The following LRP2 variants were observed in gnomAD, a reference collection of about 807,000 sequenced individuals.
LRP2 encodes low-density lipoprotein receptor-related protein 2.
A neutral mutation model predicts 531.0 loss-of-function variants in LRP2; 172 were observed. The observed-to-expected ratio is 0.32, with a 90% CI of 0.29 to 0.37. The LOEUF (loss-of-function observed/expected upper bound fraction) is 0.37. Ranked by LOEUF, LRP2 falls within the 10% of genes least tolerant of loss-of-function variation. The pLI, the probability that LRP2 is intolerant of heterozygous loss-of-function variation, is 1.00. For synonymous variants in LRP2, 1,992 were observed against 2,027.6 expected (o/e 0.98, Z 0.47); for missense variants, 5,167 against 5,868.3 (o/e 0.88, Z 3.90).
At chr2:169,264,051 A>T (rs1163047171) in intron 16 of LRP2, among the ~76,000 whole-genome samples, 4 of 152,210 alleles carry the variant, frequency 2.6e-5, no homozygotes, top group East Asian at 1.9e-4. Context: ...AACAATGAGA[A>T]CACATGGACA....
intron 1 of LRP2, among the ~76,000 whole-genome samples, chr2:169,341,301 T>C (rs1685555810): frequency 6.6e-6 from 1 of 152,156 alleles, no homozygotes; most frequent in Admixed American, 6.6e-5. Flanking sequence ...AGGCAGATTC[T>C]CTTTTATGTG....
At chr2:169,137,649 CAAAAA>C (rs1160173051) in intron 75 of LRP2, among the ~76,000 whole-genome samples, 156 bp from the exon 76 acceptor site, 1 of 45,488 alleles carries the variant, frequency 2.2e-5, no homozygotes, top group Non-Finnish European at 5.2e-5. Flanking sequence ...AGAGAACTTG[CAAAAA>C]AAAAAAAAAA....
intron 1 of LRP2, among the ~76,000 whole-genome samples, chr2:169,326,132 GCCTCTCCCTCTCCCTCTC>G (rs775827513): frequency 0.014 from 1,116 of 79,868 alleles, 44 homozygotes; most frequent in East Asian, 0.059. Flanking sequence ...TTTTTGCTCT[GCCTCTCCCTCTCCCTCTC>G]CCTCTCCCTC....
At chr2:169,318,978 T>G in intron 2 of LRP2, 94 bp from the exon 3 acceptor site, 4 of 1,494,522 alleles carry the variant, frequency 2.7e-6, no homozygotes, top group Non-Finnish European at 3.7e-6. Context: ...TCATGTAAAC[T>G]CCTGCTCAAT....
intron 45 of LRP2, among the ~76,000 whole-genome samples, chr2:169,198,072 G>A (rs1410505649): frequency 1.3e-5 from 2 of 152,124 alleles, no homozygotes; most frequent in East Asian, 1.9e-4. Context: ...TGCTAAATAC[G>A]AAATAGAGAT....
intron 7 of LRP2, among the ~76,000 whole-genome samples, chr2:169,291,713 C>T (rs1684003575): frequency 6.6e-6 from 1 of 152,152 alleles, no homozygotes; most frequent in African/African-American, 2.4e-5. Context: ...CTTACCATCC[C>T]CAGCTCCAAC....
chr2:169,179,798 A>G (rs1687359197), intron 52 of LRP2, among the ~76,000 whole-genome samples: 1 of 152,044 alleles, frequency 6.6e-6, no homozygotes, highest in Non-Finnish European at 1.5e-5. Context: ...ACAAGGAATC[A>G]ATTGCATGCT....
chr2:169,185,435 T>C, intron 50 of LRP2, 68 bp downstream of exon 50: 2 of 1,510,440 alleles, frequency 1.3e-6, no homozygotes, highest in East Asian at 2.3e-5. Context: ...TAATTTCCTA[T>C]CAAGATGAAA....
In LRP2 at chr2:169,127,559, A is replaced by G. The variant is rs1685141353; in HGVS notation, c.*1104T>C. ...AAAAAAAAAAAAAAAAAAAAAACCA[A>G]TAAGAATTAAAGAAAAGATCTGGAC... is the stretch of plus-strand genomic sequence containing the variant. On this transcript the variant is annotated 3_prime_UTR_variant, in exon 79 of 79. Coordinates refer to ENST00000649046, the MANE Select transcript of LRP2 (RefSeq NM_004525.3). 1 of 140,372 alleles carries G rather than the reference A, an allele frequency of 7.1e-6. No homozygotes were observed. The highest frequency in any genetic ancestry group is 2.0e-4 in the East Asian group (1 of 4,958). 8.7% of individuals were successfully genotyped at this position (140,372 alleles called of 1,614,324 possible).
chr2:169,174,274 T>G, intron 55 of LRP2, 110 bp from the exon 56 acceptor site: 14 of 1,351,566 alleles, frequency 1.0e-5, no homozygotes, highest in Non-Finnish European at 1.3e-5. Flanking sequence ...TTTAGAGGAC[T>G]TATTTCCTAA....
chr2:169,256,901 A>T (rs1001789880), intron 18 of LRP2, among the ~76,000 whole-genome samples: 4 of 152,040 alleles, frequency 2.6e-5, no homozygotes, highest in African/African-American at 9.7e-5. Flanking sequence ...TTCTCAGAAT[A>T]CTCATGAATT....
intron 59 of LRP2, 62 bp downstream of exon 59, chr2:169,170,489 T>A: frequency 7.7e-7 from 1 of 1,300,590 alleles, no homozygotes. Flanking sequence ...TAAACACTAA[T>A]TTGAAGCCCC....
chr2:169,325,244 A>G (rs1685017815), intron 1 of LRP2, among the ~76,000 whole-genome samples: 1 of 152,122 alleles, frequency 6.6e-6, no homozygotes, highest in Non-Finnish European at 1.5e-5. Flanking sequence ...GGCAAATCCT[A>G]TTTCCCCGCT....
At chr2:169,174,982 A>C (rs928923135) in intron 55 of LRP2, among the ~76,000 whole-genome samples, 1 of 150,502 alleles carries the variant, frequency 6.6e-6, no homozygotes, top group African/African-American at 2.4e-5. Context: ...CTTATTGTCT[A>C]CTTCAACCAT....
chr2:169,128,443 C>A lies in LRP2; in HGVS notation c.*220G>T. ...TATTTATAGTATTACCTTCAGACAACTTCAGTGCAAAGATATACATATAGT... is the reference window on the plus strand; with the variant it reads ...TATTTATAGTATTACCTTCAGACAAATTCAGTGCAAAGATATACATATAGT... On this transcript the variant is annotated 3_prime_UTR_variant, in exon 79 of 79. Coordinates refer to ENST00000649046, the MANE Select transcript of LRP2 (RefSeq NM_004525.3). The A allele has an allele frequency of 2.1e-6, 1 of 485,946 alleles. No homozygotes were observed. 30.1% of individuals were successfully genotyped at this position (485,946 alleles called of 1,614,324 possible).
chr2:169,326,984 CG>C (rs79210703), intron 1 of LRP2, among the ~76,000 whole-genome samples: 32,238 of 148,984 alleles, frequency 0.22, 3,640 homozygotes, highest in African/African-American at 0.27. Context: ...ACCCAGCATC[CG>C]CCCCATCTGA....
chr2:169,263,365 C>G (rs1690651475), intron 16 of LRP2, among the ~76,000 whole-genome samples: 1 of 151,788 alleles, frequency 6.6e-6, no homozygotes, highest in Non-Finnish European at 1.5e-5. Flanking sequence ...GGGCTAATAT[C>G]CAGAATCTAC....
intron 3 of LRP2, among the ~76,000 whole-genome samples, chr2:169,307,910 G>C (rs2673170): frequency 0.32 from 47,912 of 151,996 alleles, 8,407 homozygotes; most frequent in African/African-American, 0.48. Flanking sequence ...ATTTAAGCTA[G>C]CTTGATTTCA....
At chr2:169,328,756 G>T (rs895636402) in intron 1 of LRP2, among the ~76,000 whole-genome samples, 2 of 152,164 alleles carry the variant, frequency 1.3e-5, no homozygotes, top group African/African-American at 4.8e-5. Context: ...GGGCCACAAA[G>T]GTAGAAAATG....
Sources: gnomAD v4.1 joint callset for allele counts (sites outside exome capture counted in the v4.1 genomes callset) on GRCh38, gnomAD v4.1.1 for gene constraint, MANE v1.5 for transcripts, NCBI Gene and HGNC (gene_info 2026-07-23, HGNC 2026-07-21) for gene names.